The following DKK2 variants were observed in gnomAD, a reference collection of about 807,000 sequenced individuals.
The protein encoded by DKK2 is dickkopf Wnt signaling pathway inhibitor 2.
Under a neutral mutation model 28.1 loss-of-function variants are expected in DKK2, and 11 were observed. That is an observed-to-expected ratio of 0.39 (90% confidence interval 0.25 to 0.65). DKK2 has a LOEUF of 0.65. DKK2 is among the 30% of genes least tolerant of loss of function. The probability of loss-of-function intolerance (pLI) is 0.47; values close to 1 mark genes in which losing one functional copy is unlikely to be tolerated. For missense variants in DKK2, 326 were observed against 335.5 expected, an observed-to-expected ratio of 0.97 and a Z score of 0.22; for synonymous variants, 135 against 126.5, an observed-to-expected ratio of 1.07 and a Z score of -0.45.
intron 1 of DKK2, among the ~76,000 whole-genome samples, chr4:106,941,123 C>T (rs9995420): frequency 7.9e-5 from 12 of 151,370 alleles, no homozygotes; most frequent in Admixed American, 7.9e-4. Context: ...AATAAAATAA[C>T]AAAATAAAAA....
chr4:106,974,984 C>A (rs999272749), intron 1 of DKK2, among the ~76,000 whole-genome samples: 2 of 152,132 alleles, frequency 1.3e-5, no homozygotes, highest in African/African-American at 4.8e-5. Context: ...GCCTTTCCTG[C>A]ATTTATTGAG....
chr4:106,959,167 T>TA (rs560346302), intron 1 of DKK2, among the ~76,000 whole-genome samples: 167 of 152,226 alleles, frequency 1.1e-3, no homozygotes, highest in Non-Finnish European at 1.9e-3. Context: ...ATAAGATGTC[T>TA]AAAAAAAGAT....
chr4:106,970,949 G>C (rs1422909016), intron 1 of DKK2, among the ~76,000 whole-genome samples: 1 of 152,096 alleles, frequency 6.6e-6, no homozygotes, highest in Non-Finnish European at 1.5e-5. Context: ...CAGAAAAAAG[G>C]AATACAATAA....
Position 107,033,073 on chromosome 4 carries a change from A to G in DKK2, c.222+2297T>C, listed in dbSNP as rs868861533. Among the ~76,000 whole-genome samples, 24 of 152,252 alleles carry G rather than the reference A, an allele frequency of 1.6e-4. 1 individual carries two copies. Among genetic ancestry groups the G allele is most frequent in the Middle Eastern group, 3.4e-3 (1 of 294 alleles). ...TTACTATTTGTTTCTTCATAACAGT[A>G]CATACTTTAGATCATTCGTTAAAGA... On this transcript the variant is annotated intron_variant, in intron 1 of 3. Coordinates refer to ENST00000285311, the MANE Select transcript of DKK2 (RefSeq NM_014421.3).
At chr4:106,980,550 T>C (rs548066096) in intron 1 of DKK2, among the ~76,000 whole-genome samples, 55 of 152,282 alleles carry the variant, frequency 3.6e-4, no homozygotes, top group Non-Finnish European at 6.8e-4. Context: ...GTATAACAAG[T>C]AATAGTTCTG....
At chr4:107,032,356 C>T (rs1265374581) in intron 1 of DKK2, among the ~76,000 whole-genome samples, 1 of 151,966 alleles carries the variant, frequency 6.6e-6, no homozygotes, top group Admixed American at 6.6e-5. Flanking sequence ...TTCAAAGCCA[C>T]ATTTTCTAGA....
chr4:106,933,750 T>A (rs1340327549), intron 1 of DKK2, among the ~76,000 whole-genome samples: 1 of 152,194 alleles, frequency 6.6e-6, no homozygotes, highest in Non-Finnish European at 1.5e-5. Flanking sequence ...GAAAATGACA[T>A]TTAAAATTCA....
At chr4:106,949,024 C>T (rs2110346221) in intron 1 of DKK2, among the ~76,000 whole-genome samples, 1 of 152,260 alleles carries the variant, frequency 6.6e-6, no homozygotes, top group East Asian at 1.9e-4. Flanking sequence ...CAACCAAAAA[C>T]CATTTTCTTT....
In DKK2 at chr4:107,035,649, G is replaced by A; in HGVS notation, c.-58C>T. On this transcript the variant is annotated 5_prime_UTR_variant, in exon 1 of 4. Coordinates refer to ENST00000285311, the MANE Select transcript of DKK2 (RefSeq NM_014421.3). ...AGCCCGGAGGGGTGGGAATGCAAAG[G>A]GAGGGAGGACCCCAACACGGGGCCC... The A allele has an allele frequency of 1.9e-6, 3 of 1,588,456 alleles. No homozygotes were observed. Among genetic ancestry groups the A allele is most frequent in the Middle Eastern group, 2.2e-4 (1 of 4,620 alleles).
intron 1 of DKK2, among the ~76,000 whole-genome samples, chr4:106,951,548 T>G (rs1724860009): frequency 6.6e-6 from 1 of 152,104 alleles, no homozygotes; most frequent in African/African-American, 2.4e-5. Context: ...ACTGGAAGCC[T>G]TTATGTTAAG....
At chr4:107,027,918 A>AT (rs1328282511) in intron 1 of DKK2, among the ~76,000 whole-genome samples, 1 of 151,694 alleles carries the variant, frequency 6.6e-6, no homozygotes, top group African/African-American at 2.4e-5. Context: ...CGCCCGGCTA[A>AT]TTTTTTGTAT....
At chr4:106,998,724 T>G (rs1227639860) in intron 1 of DKK2, among the ~76,000 whole-genome samples, 4 of 152,196 alleles carry the variant, frequency 2.6e-5, no homozygotes, top group Non-Finnish European at 5.9e-5. Context: ...AATTGCCGTA[T>G]GTTCTTTTCA....
At chr4:106,970,191 A>G (rs1245324356) in intron 1 of DKK2, among the ~76,000 whole-genome samples, 2 of 152,110 alleles carry the variant, frequency 1.3e-5, no homozygotes, top group Non-Finnish European at 2.9e-5. Context: ...TCACAAGGGT[A>G]TTGTAAAGAT....
chr4:106,937,293 CAAA>C (rs1203939016), intron 1 of DKK2, among the ~76,000 whole-genome samples: 1 of 133,458 alleles, frequency 7.5e-6, no homozygotes, highest in Admixed American at 7.7e-5. Flanking sequence ...AAATGGAAAA[CAAA>C]AAAAGGCAGG....
intron 1 of DKK2, among the ~76,000 whole-genome samples, chr4:106,952,518 A>G (rs1266311619): frequency 6.6e-6 from 1 of 152,118 alleles, no homozygotes; most frequent in Non-Finnish European, 1.5e-5. Flanking sequence ...TATTTACAAC[A>G]TTTCATAATT....
At position 106,924,218 on chromosome 4, in the gene DKK2, G is replaced by T; in HGVS notation, c.530-14C>A. 3 of 1,613,250 alleles carry T rather than the reference G, an allele frequency of 1.9e-6. No homozygotes were observed. In the South Asian group the frequency reaches 3.3e-5, roughly 18 times the overall value. On this transcript the variant is annotated splice_polypyrimidine_tract_variant and intron_variant, in intron 3 of 3. Transcript: ENST00000285311. The stretch of plus-strand genomic sequence containing the variant: ...CTCCTTCATGCCCTGCAGAGATGAT[G>T]ACCAATAGATGTTACCCTGACACTT...
In DKK2 at chr4:106,924,641, T is replaced by G. The variant is rs1560572894; in HGVS notation, c.433A>C (p.Thr145Pro). 4 of 1,613,946 alleles carry G rather than the reference T, an allele frequency of 2.5e-6. No homozygotes were observed. The highest frequency in any genetic ancestry group is 3.4e-6 in the Non-Finnish European group (4 of 1,179,860). Residue 145 changes from threonine to proline, a missense_variant, in exon 3 of 4, where the codon ACT becomes CCT. Coordinates refer to ENST00000285311, the MANE Select transcript of DKK2 (RefSeq NM_014421.3). ...LTPHIPALDGTRHRDRNHGHY... is the reference protein window; with the variant it reads ...LTPHIPALDGPRHRDRNHGHY... ...CCGTGGTTTCGATCTCTGTGCCGAG[T>G]ACCATCCAGAGCCGGGATGTGAGGG...
chr4:106,970,269 T>C (rs1722852066), intron 1 of DKK2, among the ~76,000 whole-genome samples: 1 of 152,074 alleles, frequency 6.6e-6, no homozygotes, highest in African/African-American at 2.4e-5. Context: ...ATTAAGGAGA[T>C]AGATAAGCAC....
intron 3 of DKK2, 66 bp from the exon 4 acceptor site, chr4:106,924,270 T>C: frequency 1.9e-6 from 3 of 1,564,556 alleles, no homozygotes; most frequent in Non-Finnish European, 2.6e-6. Flanking sequence ...TATTTTGCAA[T>C]CAGAAGCACA....
Sources: allele counts gnomAD v4.1 joint callset (sites outside exome capture counted in the v4.1 genomes callset), GRCh38; gene constraint gnomAD v4.1.1; transcripts MANE v1.5; gene names NCBI Gene and HGNC (gene_info 2026-07-23, HGNC 2026-07-21).